The following MTAP variants were observed in gnomAD, a reference collection of about 807,000 sequenced individuals.
MTAP encodes the protein S-methyl-5'-thioadenosine phosphorylase.
In MTAP, 33 loss-of-function variants were observed where a neutral mutation model predicts 33.6. The ratio of observed to expected loss-of-function variants is 0.98; its 90% CI spans 0.74 to 1.31. MTAP has a LOEUF of 1.31. MTAP is among the 40% of genes most tolerant of loss of function. The probability of loss-of-function intolerance (pLI) is 0.00; values close to 1 mark genes in which losing one functional copy is unlikely to be tolerated. For missense variants in MTAP, 367 were observed against 360.0 expected, an observed-to-expected ratio of 1.02 and a Z score of -0.16; for synonymous variants, 148 against 125.7, an observed-to-expected ratio of 1.18 and a Z score of -1.19.
chr9:21,811,277 T>TA (rs1824339533), intron 1 of MTAP, among the ~76,000 whole-genome samples: 1 of 152,142 alleles, frequency 6.6e-6, no homozygotes, highest in Non-Finnish European at 1.5e-5. Flanking sequence ...GAAGGGTTGG[T>TA]AAAATCTCCT....
chr9:21,807,150 T>G (rs971316626), intron 1 of MTAP, among the ~76,000 whole-genome samples: 11 of 151,986 alleles, frequency 7.2e-5, no homozygotes, highest in African/African-American at 2.4e-4. Context: ...GGCGACAGAG[T>G]AAGATCCTGT....
rs534933205 is a variant in MTAP, at chr9:21,925,243, G to C, written c.148-5765G>C. ...TTGGAAACCCCACCACTTTCCTAGA[G>C]AGGCTACAAGAGGCCCTGGTGAAAC... On this transcript the variant is annotated intron_variant, in intron 1 of 1. Transcript: ENST00000577563. Among the ~76,000 whole-genome samples, 4 of 152,302 alleles carry C rather than the reference G, an allele frequency of 2.6e-5. No individual in the cohort carries two copies. In the East Asian group the frequency reaches 7.7e-4, roughly 29 times the overall value.
At chr9:21,835,467 T>C (rs185242535) in intron 4 of MTAP, among the ~76,000 whole-genome samples, 4 of 152,174 alleles carry the variant, frequency 2.6e-5, no homozygotes, top group Non-Finnish European at 5.9e-5. Flanking sequence ...AATATGATTC[T>C]TAATATAGAA....
At chr9:21,910,767 C>T (rs184053275) in intron 1 of MTAP, among the ~76,000 whole-genome samples, 1 of 152,156 alleles carries the variant, frequency 6.6e-6, no homozygotes, top group East Asian at 1.9e-4. Flanking sequence ...AGGTGTGCTA[C>T]CAGTATCACA....
At chr9:21,933,029 T>C (rs374518506), downstream of MTAP, 1 of 152,216 alleles carries the variant, frequency 6.6e-6, no homozygotes, top group African/African-American at 2.4e-5. Flanking sequence ...GCCACCTGTA[T>C]GCTTTAGTCA....
chr9:21,934,476 G>C (rs1819010572), downstream of MTAP: 1 of 152,056 alleles, frequency 6.6e-6, no homozygotes. The surrounding 1 kb of genome is among the most constrained non-coding windows in gnomAD (Gnocchi z 5.0). Flanking sequence ...CTTCAGAGTT[G>C]TCAACATTAA....
chr9:21,847,498 A>G (rs1459916772), intron 5 of MTAP, among the ~76,000 whole-genome samples: 1 of 152,196 alleles, frequency 6.6e-6, no homozygotes, highest in Non-Finnish European at 1.5e-5. Flanking sequence ...AACTGTTTAG[A>G]GAGTTATGCA....
chr9:21,907,206 G>T (rs1818490418), intron 1 of MTAP, among the ~76,000 whole-genome samples: 1 of 152,212 alleles, frequency 6.6e-6, no homozygotes, highest in South Asian at 2.1e-4. Context: ...AGGTTCTAAT[G>T]CACTAACCTG....
chr9:21,896,790 T>C (rs549634916), intron 1 of MTAP, among the ~76,000 whole-genome samples: 182 of 152,326 alleles, frequency 1.2e-3, no homozygotes, highest in African/African-American at 4.3e-3. Context: ...CACAGCCGAA[T>C]TCTACCAGAA....
chr9:21,860,522 T>G (rs957415776), intron 7 of MTAP: 1 of 152,214 alleles, frequency 6.6e-6, no homozygotes, highest in Non-Finnish European at 1.5e-5. Flanking sequence ...ACCTAAATGT[T>G]ATTTAATGAA....
chr9:21,870,057 G>C (rs1825913861), downstream of MTAP, among the ~76,000 whole-genome samples: 1 of 152,094 alleles, frequency 6.6e-6, no homozygotes, highest in African/African-American at 2.4e-5. Flanking sequence ...TTTGGTTTGT[G>C]TTCCTTCTAC....
chr9:21,885,920 A>T (rs1464407103), intron 1 of MTAP, among the ~76,000 whole-genome samples: 1 of 151,898 alleles, frequency 6.6e-6, no homozygotes, highest in Non-Finnish European at 1.5e-5. Flanking sequence ...AAACATGCCT[A>T]TGCAAGTGTC....
In MTAP at chr9:21,865,780, C is replaced by T. The variant is rs149649469; in HGVS notation, c.*3766C>T. ...GGGAATTTCTTCAGAAAGACAATCT[C>T]GGCATGCATTATTTCTTTGTTTTGA... On this transcript the variant is annotated 3_prime_UTR_variant, in exon 8 of 8. Coordinates refer to ENST00000644715, the MANE Select transcript of MTAP (RefSeq NM_002451.4). 7.7e-6 allele frequency: 8 copies of T among 1,033,488 alleles called. No individual in the cohort carries two copies. Among genetic ancestry groups the T allele is most frequent in the African/African-American group, 6.8e-5 (4 of 58,880 alleles). The allele number at this position is 1,033,488 out of a possible 1,614,324, so 64.0% of individuals were successfully genotyped here. A position where few individuals can be genotyped will look rare whatever the true frequency, so the allele number is the denominator to read the frequency against.
intron 3 of MTAP, among the ~76,000 whole-genome samples, chr9:21,817,731 C>T (rs552811388): frequency 3.3e-5 from 5 of 152,082 alleles, no homozygotes; most frequent in Admixed American, 1.3e-4. Flanking sequence ...ACTTATAGCA[C>T]GTTTACCATT....
intron 1 of MTAP, among the ~76,000 whole-genome samples, chr9:21,895,687 C>G (rs566984151): frequency 1.3e-5 from 2 of 152,330 alleles, no homozygotes; most frequent in South Asian, 4.1e-4. Flanking sequence ...CAGAGGGTCC[C>G]ACACCCACAG....
intron 5 of MTAP, among the ~76,000 whole-genome samples, chr9:21,839,062 A>C (rs976610950): frequency 2.6e-5 from 4 of 152,194 alleles, no homozygotes; most frequent in African/African-American, 9.6e-5. Context: ...AAATATTTCT[A>C]GTCTCAAACA....
At chr9:21,940,744 C>A (rs112447490), downstream of MTAP, among the ~76,000 whole-genome samples, 13 of 152,152 alleles carry the variant, frequency 8.5e-5, no homozygotes, top group Non-Finnish European at 1.8e-4. Flanking sequence ...TTCTTCCATG[C>A]CTTCTCCAGG....
chr9:21,920,048 C>A (rs557509477), intron 1 of MTAP, among the ~76,000 whole-genome samples: 1 of 151,908 alleles, frequency 6.6e-6, no homozygotes, highest in East Asian at 1.9e-4. Context: ...GGATTAGAGA[C>A]AAGAGAACAA....
downstream of MTAP, among the ~76,000 whole-genome samples, chr9:21,869,439 T>C (rs1272802033): frequency 2.6e-5 from 4 of 152,190 alleles, no homozygotes; most frequent in Non-Finnish European, 5.9e-5. Context: ...CTTGATTTTC[T>C]TCCTTCATTG....
Sources: allele counts gnomAD v4.1 joint callset (sites outside exome capture counted in the v4.1 genomes callset), GRCh38; gene constraint gnomAD v4.1.1; non-coding constraint Gnocchi (gnomAD v3.1); transcripts MANE v1.5; gene names NCBI Gene and HGNC (gene_info 2026-07-23, HGNC 2026-07-21).